XKR9: variants seen among roughly 807,000 people sequenced by gnomAD.
XKR9 encodes the protein XK-related protein 9.
Under a neutral mutation model 32.0 loss-of-function variants are expected in XKR9, and 32 were observed. The observed-to-expected ratio is 1.00, with a 90% CI of 0.76 to 1.34. The LOEUF (loss-of-function observed/expected upper bound fraction) is 1.34. Among genes scored for constraint, XKR9 ranks in the 40% most tolerant of loss-of-function variants. The pLI is 0.00. For synonymous variants in XKR9, 168 were observed against 143.4 expected, an observed-to-expected ratio of 1.17 and a Z score of -1.22; for missense variants, 546 against 429.7, an observed-to-expected ratio of 1.27 and a Z score of -2.39.
At chr8:70,874,786 C>T in the XKR9 span, among the ~76,000 whole-genome samples, 1 of 152,152 alleles carries the variant, frequency 6.6e-6, no homozygotes, top group Non-Finnish European at 1.5e-5. Flanking sequence ...TCTTTATTGG[C>T]TTTATTTTGA....
In XKR9 at chr8:70,734,706, T is replaced by A; in HGVS notation, c.*282T>A. ...GTTTTCATAATGAGAAGGCTGGAAT[T>A]GAGCTTCCCTCCCATTTTCCTTGTT... On this transcript the variant is annotated 3_prime_UTR_variant, in exon 5 of 5. Coordinates refer to ENST00000408926, the MANE Select transcript of XKR9 (RefSeq NM_001011720.2). The A allele has an allele frequency of 4.4e-6, 1 of 225,816 alleles. No individual in the cohort carries two copies. The highest frequency in any genetic ancestry group is 8.7e-5 in the South Asian group (1 of 11,444). The allele number at this position is 225,816 out of a possible 1,614,324, so 14.0% of individuals were successfully genotyped here. A position where few individuals can be genotyped will look rare whatever the true frequency, so the allele number is the denominator to read the frequency against.
At chr8:70,971,206 C>T in the XKR9 span, among the ~76,000 whole-genome samples, 2 of 152,050 alleles carry the variant, frequency 1.3e-5, no homozygotes, top group Non-Finnish European at 2.9e-5. Context: ...TTTCATTTTC[C>T]TGATAATTAG....
At chr8:70,869,012 G>T in the XKR9 span, among the ~76,000 whole-genome samples, 1 of 152,256 alleles carries the variant, frequency 6.6e-6, no homozygotes, top group South Asian at 2.1e-4. Flanking sequence ...AGTCATGTTT[G>T]CTCCAGTTCC....
At chr8:70,766,776 T>C (rs1211030058) in intron 2 of XKR9, among the ~76,000 whole-genome samples, 5 of 152,222 alleles carry the variant, frequency 3.3e-5, no homozygotes, top group Admixed American at 6.5e-5. Flanking sequence ...GTTCCATCAA[T>C]ACCTAGTTTC....
At chr8:71,039,833 G>A in the XKR9 span, among the ~76,000 whole-genome samples, 2 of 152,042 alleles carry the variant, frequency 1.3e-5, no homozygotes, top group African/African-American at 4.8e-5. Flanking sequence ...GAATAAAAGT[G>A]CTCTTTTTGC....
chr8:70,908,977 G>A, the XKR9 span, among the ~76,000 whole-genome samples: 5 of 152,102 alleles, frequency 3.3e-5, no homozygotes, highest in South Asian at 6.2e-4. Context: ...TGTGCAGGCA[G>A]GCTTTAATTT....
the XKR9 span, among the ~76,000 whole-genome samples, chr8:70,911,670 A>G: frequency 2.0e-5 from 3 of 152,198 alleles, no homozygotes; most frequent in African/African-American, 7.2e-5. Context: ...AACCAAACAG[A>G]TGAGCAAGTG....
At chr8:70,716,147 G>A (rs1384909217) in intron 4 of XKR9, among the ~76,000 whole-genome samples, 1 of 151,306 alleles carries the variant, frequency 6.6e-6, no homozygotes, top group African/African-American at 2.4e-5. Context: ...GTATATAGAG[G>A]AGTTTTATTA....
At chr8:70,778,959 G>T (rs181950707) in intron 2 of XKR9, among the ~76,000 whole-genome samples, 6 of 152,068 alleles carry the variant, frequency 3.9e-5, no homozygotes, top group Admixed American at 6.5e-5. Flanking sequence ...TTGTCTGACT[G>T]CCCTGGCCAG....
At chr8:70,837,891 T>C in the XKR9 span, among the ~76,000 whole-genome samples, 1 of 152,118 alleles carries the variant, frequency 6.6e-6, no homozygotes, top group Non-Finnish European at 1.5e-5. Context: ...CTAATATTGA[T>C]GTTGAATGAA....
At chr8:71,028,625 A>T in the XKR9 span, among the ~76,000 whole-genome samples, 1 of 152,284 alleles carries the variant, frequency 6.6e-6, no homozygotes, top group Non-Finnish European at 1.5e-5. Flanking sequence ...TGAATTTCAA[A>T]TGTCCCACCA....
the XKR9 span, among the ~76,000 whole-genome samples, chr8:70,830,643 T>A: frequency 6.6e-6 from 1 of 152,186 alleles, no homozygotes; most frequent in Non-Finnish European, 1.5e-5. Context: ...TCATCAAATA[T>A]TATTTCTACT....
At chr8:70,685,525 A>C (rs553658245) in intron 3 of XKR9, among the ~76,000 whole-genome samples, 31 of 149,088 alleles carry the variant, frequency 2.1e-4, no homozygotes, top group Middle Eastern at 3.6e-3. Flanking sequence ...AAAATGTGGC[A>C]CACATACACC....
At chr8:70,864,507 T>G in the XKR9 span, among the ~76,000 whole-genome samples, 3 of 152,190 alleles carry the variant, frequency 2.0e-5, no homozygotes, top group Non-Finnish European at 4.4e-5. Context: ...AAACTTCACA[T>G]AAAAGCCTTT....
chr8:70,808,476 C>A, the XKR9 span, among the ~76,000 whole-genome samples: 1 of 152,162 alleles, frequency 6.6e-6, no homozygotes, highest in Non-Finnish European at 1.5e-5. Flanking sequence ...GTGCAACGAG[C>A]ATGAGCTGAA....
intron 4 of XKR9, among the ~76,000 whole-genome samples, chr8:70,713,193 A>G (rs1805977851): frequency 6.6e-6 from 1 of 152,196 alleles, no homozygotes; most frequent in South Asian, 2.1e-4. Context: ...TAAATAGACA[A>G]TGAATGAGTT....
the XKR9 span, among the ~76,000 whole-genome samples, chr8:70,930,177 TG>T: frequency 1.3e-5 from 2 of 152,086 alleles, no homozygotes; most frequent in Non-Finnish European, 2.9e-5. Context: ...GTGGGGTGGT[TG>T]TAGGTGGGGT....
the XKR9 span, among the ~76,000 whole-genome samples, chr8:70,937,042 G>A: frequency 6.6e-5 from 10 of 151,866 alleles, no homozygotes; most frequent in East Asian, 3.9e-4. Context: ...GAGAGGTTCC[G>A]GAATGGTGGG....
chr8:70,945,585 T>G, the XKR9 span, among the ~76,000 whole-genome samples: 1 of 152,218 alleles, frequency 6.6e-6, no homozygotes. Flanking sequence ...ATCGCTATTT[T>G]TTTTTTGATC....
Sources: gnomAD v4.1 joint callset for allele counts (sites outside exome capture counted in the v4.1 genomes callset) on GRCh38, gnomAD v4.1.1 for gene constraint, MANE v1.5 for transcripts, NCBI Gene and HGNC (gene_info 2026-07-23, HGNC 2026-07-21) for gene names.